Variants in HUNK observed in about 807,000 individuals in gnomAD.
HUNK encodes the protein hormonally up-regulated neu tumor-associated kinase.
Under a neutral mutation model 61.0 loss-of-function variants are expected in HUNK, and 21 were observed. The ratio of observed to expected loss-of-function variants is 0.34; its 90% CI spans 0.24 to 0.50. HUNK has a LOEUF of 0.50. Among genes scored for constraint, HUNK ranks in the 20% least tolerant of loss-of-function variants. The pLI, the probability that HUNK is intolerant of heterozygous loss-of-function variation, is 0.98. For missense variants in HUNK, 772 were observed against 945.7 expected, an observed-to-expected ratio of 0.82 and a Z score of 2.41; for synonymous variants, 371 against 386.1, an observed-to-expected ratio of 0.96 and a Z score of 0.46.
chr21:31,938,763 C>CCG (rs2052749170), intron 2 of HUNK, among the ~76,000 whole-genome samples: 1 of 152,014 alleles, frequency 6.6e-6, no homozygotes, highest in South Asian at 2.1e-4. Flanking sequence ...TTGTGTGTGT[C>CCG]TGTGTGTGTG....
intron 1 of HUNK, among the ~76,000 whole-genome samples, chr21:31,894,042 T>C (rs2052409165): frequency 6.6e-6 from 1 of 152,232 alleles, no homozygotes; most frequent in African/African-American, 2.4e-5. Context: ...GCGTTATTCT[T>C]GTACCTTTTC....
intron 6 of HUNK, 26 bp downstream of exon 6, chr21:31,968,411 C>T (rs781600242): frequency 3.4e-5 from 55 of 1,613,620 alleles, no homozygotes. Context: ...CAGAGGAACT[C>T]CTCGGGAGAG....
rs376397942 is a variant in HUNK at position 31,902,706 on chromosome 21, G to A, written c.262-21762G>A. Among the ~76,000 whole-genome samples, 4 of 152,248 alleles carry A rather than the reference G, an allele frequency of 2.6e-5. No homozygotes were observed. In the East Asian group the frequency reaches 5.8e-4, roughly 22 times the overall value. On this transcript the variant is annotated intron_variant, in intron 1 of 10. Transcript: ENST00000270112. ...TGAAATTTACAGAGAAATGGCGATT[G>A]TCCAAAGAGCTCATCAATTGCATGC...
chr21:31,916,135 C>T (rs2052581123), intron 1 of HUNK, among the ~76,000 whole-genome samples: 2 of 141,584 alleles, frequency 1.4e-5, no homozygotes, highest in Admixed American at 1.5e-4. Context: ...ACTGCAAGCT[C>T]CGCCTCCCGG....
At chr21:31,887,035 T>G (rs1400467072) in intron 1 of HUNK, among the ~76,000 whole-genome samples, 1 of 152,240 alleles carries the variant, frequency 6.6e-6, no homozygotes, top group Non-Finnish European at 1.5e-5. Flanking sequence ...GCTCTGGTTC[T>G]GCAAGCGCTG....
Position 31,873,819 on chromosome 21 carries a change from C to G in HUNK, c.145C>G (p.Leu49Val), listed in dbSNP as rs1375797784. 6.3e-7 allele frequency: 1 copy of G among 1,577,488 alleles called. No homozygotes were observed. Among genetic ancestry groups the G allele is most frequent in the South Asian group, 1.1e-5 (1 of 87,300 alleles). ...AWVSGVPRER[L>V]RDFQHHKRVG... ...GGTGAGCGGCGTGCCCCGCGAGCGGCTCCGCGACTTCCAGCACCACAAGCG... is the reference window on the plus strand; with the variant it reads ...GGTGAGCGGCGTGCCCCGCGAGCGGGTCCGCGACTTCCAGCACCACAAGCG... The change falls in exon 1 of 11, where the codon CTC (leucine) becomes GTC (valine). Residue 49 changes from leucine (L) to valine (V), a missense_variant. Leu to Val is a conservative substitution (Grantham distance 32). Around this residue, in one of 2 missense-constraint regions of HUNK, gnomAD observed 359 missense variants for 501.3 expected, o/e 0.72. Coordinates refer to ENST00000270112, the MANE Select transcript of HUNK (RefSeq NM_014586.2). This position sits in a 1 kb window ranked among gnomAD's most constrained non-coding sequence, Gnocchi z 6.1.
chr21:31,993,550 G>C (rs2053184914), intron 9 of HUNK, among the ~76,000 whole-genome samples: 1 of 152,238 alleles, frequency 6.6e-6, no homozygotes, highest in South Asian at 2.1e-4. Flanking sequence ...GGTAGAGCTG[G>C]TGACTTTAGC....
chr21:31,922,928 C>T (rs2052632454), intron 1 of HUNK, among the ~76,000 whole-genome samples: 1 of 152,180 alleles, frequency 6.6e-6, no homozygotes, highest in African/African-American at 2.4e-5. Flanking sequence ...CTTCATCCTG[C>T]ACCCGGAGGC....
At chr21:31,941,150 TG>T (rs568018430) in intron 3 of HUNK, among the ~76,000 whole-genome samples, 27 of 152,346 alleles carry the variant, frequency 1.8e-4, no homozygotes, top group African/African-American at 6.5e-4. Context: ...GCACAGACTC[TG>T]GATAATTAAA....
At chr21:31,953,907 C>G (rs915584005) in intron 4 of HUNK, among the ~76,000 whole-genome samples, 7 of 152,154 alleles carry the variant, frequency 4.6e-5, no homozygotes, top group Non-Finnish European at 1.5e-5. Flanking sequence ...CCTGACCAGA[C>G]CTGCCACCTG....
intron 4 of HUNK, among the ~76,000 whole-genome samples, chr21:31,947,349 T>G (rs2052814606): frequency 6.9e-6 from 1 of 145,248 alleles, no homozygotes; most frequent in Admixed American, 6.7e-5. Context: ...GCCTGCGCAT[T>G]CCCACATCCC....
At chr21:31,902,244 C>A (rs929878099) in intron 1 of HUNK, among the ~76,000 whole-genome samples, 4 of 152,158 alleles carry the variant, frequency 2.6e-5, no homozygotes, top group Non-Finnish European at 5.9e-5. Flanking sequence ...GGCGCGGTGG[C>A]TCACACCTGT....
chr21:31,998,681 C>T lies in HUNK; in HGVS notation c.1642C>T (p.Pro548Ser). 6.2e-7 allele frequency: 1 copy of T among 1,614,144 alleles called. No individual in the cohort carries two copies. The highest frequency in any genetic ancestry group is 8.5e-7 in the Non-Finnish European group (1 of 1,180,032). Reference protein sequence around the residue: ...HQPGPGSTGIPHKEDPLMLDM... With the variant: ...HQPGPGSTGISHKEDPLMLDM... ...GCCAGGGCCCGGAAGCACTGGCATC[C>T]CCCACAAGGAAGACCCCCTGATGCT... Residue 548 changes from proline (P) to serine (S), a missense_variant, in exon 11 of 11, where the codon CCC (proline) becomes TCC (serine). Physicochemically the swap from Pro to Ser is moderately conservative, Grantham distance 74. Around this residue, in one of 2 missense-constraint regions of HUNK, gnomAD observed 413 missense variants for 444.4 expected, o/e 0.93. Transcript: ENST00000270112.
At chr21:31,940,750 A>G (rs1325703313) in intron 3 of HUNK, among the ~76,000 whole-genome samples, 1 of 152,204 alleles carries the variant, frequency 6.6e-6, no homozygotes, top group Non-Finnish European at 1.5e-5. Context: ...GGTCCATAGC[A>G]AATTCACTGC....
intron 1 of HUNK, among the ~76,000 whole-genome samples, chr21:31,875,137 G>A (rs1313265688): frequency 2.0e-5 from 3 of 152,186 alleles, no homozygotes; most frequent in Non-Finnish European, 4.4e-5. Flanking sequence ...CTTCCCAACC[G>A]AGCAGGTGGC....
chr21:31,933,784 C>CAAAA (rs373565140), intron 2 of HUNK, among the ~76,000 whole-genome samples: 1 of 111,224 alleles, frequency 9.0e-6, no homozygotes, highest in Admixed American at 9.8e-5. Flanking sequence ...GACTCTGTCT[C>CAAAA]AAAAAAAAAA....
At chr21:31,998,385 A>G in intron 10 of HUNK, 141 bp from the exon 11 acceptor site, 1 of 766,562 alleles carries the variant, frequency 1.3e-6, no homozygotes, top group Non-Finnish European at 2.1e-6. Flanking sequence ...TTTGCAAAGT[A>G]GCCAAGGCTG....
chr21:31,888,188 C>A (rs747891526), intron 1 of HUNK, among the ~76,000 whole-genome samples: 1 of 152,010 alleles, frequency 6.6e-6, no homozygotes, highest in Non-Finnish European at 1.5e-5. Context: ...CCACATTCAC[C>A]CAGGAAAATA....
intron 4 of HUNK, among the ~76,000 whole-genome samples, chr21:31,955,103 C>T (rs1481791293): frequency 1.3e-5 from 2 of 152,084 alleles, no homozygotes; most frequent in African/African-American, 2.4e-5. Flanking sequence ...GCATTTTCAA[C>T]AAGTTCTCAG....
Sources: allele counts gnomAD v4.1 joint callset (sites outside exome capture counted in the v4.1 genomes callset), GRCh38; gene constraint gnomAD v4.1.1; regional missense constraint gnomAD v4.1.1; non-coding constraint Gnocchi (gnomAD v3.1); transcripts MANE v1.5; gene names NCBI Gene and HGNC (gene_info 2026-07-23, HGNC 2026-07-21).